KSR2: variants seen among roughly 807,000 people sequenced by gnomAD.
KSR2 encodes kinase suppressor of ras 2.
In KSR2, 25 loss-of-function variants were observed where a neutral mutation model predicts 107.8. The ratio of observed to expected loss-of-function variants is 0.23; its 90% CI spans 0.17 to 0.32. KSR2 has a LOEUF of 0.32. Among genes scored for constraint, KSR2 ranks in the 10% least tolerant of loss-of-function variants. The pLI, the probability that KSR2 is intolerant of heterozygous loss-of-function variation, is 1.00. For synonymous variants in KSR2, 480 were observed against 507.0 expected (o/e 0.95, Z 0.71); for missense variants, 887 against 1,268.9 (o/e 0.70, Z 4.57).
chr12:117,756,381 A>G (rs1222469063), intron 4 of KSR2, among the ~76,000 whole-genome samples: 2 of 152,194 alleles, frequency 1.3e-5, no homozygotes, highest in African/African-American at 2.4e-5. Context: ...CAAAAATTCT[A>G]GGGCTCTTAC....
At chr12:117,827,212 T>G (rs528048497) in intron 3 of KSR2, among the ~76,000 whole-genome samples, 1 of 152,254 alleles carries the variant, frequency 6.6e-6, no homozygotes, top group East Asian at 1.9e-4. Context: ...GTGTACCTGC[T>G]CCTGGAAGTC....
chr12:117,904,754 C>T (rs921942932), intron 1 of KSR2, among the ~76,000 whole-genome samples: 1 of 152,194 alleles, frequency 6.6e-6, no homozygotes, highest in Non-Finnish European at 1.5e-5. Flanking sequence ...AGATTCCAAA[C>T]TCAAACCCTG....
At chr12:117,904,206 A>G (rs1445028956) in intron 1 of KSR2, among the ~76,000 whole-genome samples, 1 of 152,220 alleles carries the variant, frequency 6.6e-6, no homozygotes, top group African/African-American at 2.4e-5. Flanking sequence ...AGCTGTGATC[A>G]TCGGGCCTCT....
chr12:117,649,670 C>T (rs1002333048), intron 5 of KSR2, among the ~76,000 whole-genome samples: 1 of 152,156 alleles, frequency 6.6e-6, no homozygotes, highest in Non-Finnish European at 1.5e-5. Context: ...TGGCCAAAGC[C>T]AGGATGCCAT....
chr12:117,873,586 C>T (rs866578491), intron 1 of KSR2, among the ~76,000 whole-genome samples: 1 of 151,592 alleles, frequency 6.6e-6, no homozygotes, highest in East Asian at 2.0e-4. Context: ...TCAGCCTCCC[C>T]GGTAGCTAGG....
intron 3 of KSR2, among the ~76,000 whole-genome samples, chr12:117,793,600 C>A (rs927479315): frequency 7.0e-6 from 1 of 143,742 alleles, no homozygotes. Flanking sequence ...CACACATACA[C>A]CAACATGCAC....
At chr12:117,850,515 C>G (rs1432790688) in intron 3 of KSR2, among the ~76,000 whole-genome samples, 2 of 152,112 alleles carry the variant, frequency 1.3e-5, no homozygotes, top group African/African-American at 4.8e-5. Flanking sequence ...CAAGTAGGAG[C>G]CAAACCCTGG....
intron 4 of KSR2, among the ~76,000 whole-genome samples, chr12:117,723,585 A>T (rs1015972401): frequency 6.6e-6 from 1 of 152,192 alleles, no homozygotes; most frequent in Non-Finnish European, 1.5e-5. Context: ...CTTTTGGACA[A>T]TAAAATCATC....
intron 16 of KSR2, among the ~76,000 whole-genome samples, chr12:117,477,599 A>G (rs1871868121): frequency 6.6e-6 from 1 of 152,244 alleles, no homozygotes; most frequent in African/African-American, 2.4e-5. Context: ...CTGCAGGTAA[A>G]CTGTGAGCTA....
chr12:117,572,170 C>A (rs1401687195), intron 7 of KSR2, among the ~76,000 whole-genome samples: 6 of 152,216 alleles, frequency 3.9e-5, no homozygotes, highest in Non-Finnish European at 8.8e-5. Flanking sequence ...TTCCTCGGCC[C>A]AGAGCACCCT....
intron 5 of KSR2, among the ~76,000 whole-genome samples, chr12:117,582,963 A>AT (rs941954391): frequency 5.9e-5 from 9 of 151,602 alleles, no homozygotes; most frequent in South Asian, 2.1e-4. Context: ...GCTGACTCCA[A>AT]TTTTTTTTTG....
chr12:117,717,730 T>C (rs1029259993), intron 4 of KSR2, among the ~76,000 whole-genome samples: 1 of 150,120 alleles, frequency 6.7e-6, no homozygotes, highest in African/African-American at 2.4e-5. Context: ...CGCGCGTGCA[T>C]GCACGTGTGC....
chr12:117,849,758 G>A (rs1177712430), intron 3 of KSR2, among the ~76,000 whole-genome samples: 1 of 152,230 alleles, frequency 6.6e-6, no homozygotes. Context: ...GACAGAGAGA[G>A]AGAAAGAGAT....
chr12:117,708,187 T>C (rs1400889320), intron 4 of KSR2, among the ~76,000 whole-genome samples: 1 of 152,250 alleles, frequency 6.6e-6, no homozygotes, highest in Non-Finnish European at 1.5e-5. Flanking sequence ...AGCGGATCCA[T>C]GGCTTTAATT....
intron 3 of KSR2, among the ~76,000 whole-genome samples, chr12:117,794,160 ACAC>A (rs1329416029): frequency 8.1e-6 from 1 of 123,982 alleles, no homozygotes; most frequent in African/African-American, 3.0e-5. Context: ...ATGCACACAT[ACAC>A]CAACATGCGC....
chr12:117,794,424 A>G lies in KSR2; in HGVS notation c.473-32900T>C, dbSNP rs1270066273. On this transcript the variant is annotated intron_variant, in intron 3 of 19. Transcript: ENST00000339824. ...CAACATGCACACACATGCACATACA[A>G]CATGCACACTCACACCAACATGCAC... Among the ~76,000 whole-genome samples the G allele has an allele frequency of 2.0e-5, 2 of 100,136 alleles. 1 individual carries two copies. Among genetic ancestry groups the G allele is most frequent in the Non-Finnish European group, 3.8e-5 (2 of 52,516 alleles). 65.7% of individuals were successfully genotyped at this position (100,136 alleles called of 152,430 possible).
At chr12:117,587,930 CG>C (rs1425819528) in intron 5 of KSR2, among the ~76,000 whole-genome samples, 2 of 152,154 alleles carry the variant, frequency 1.3e-5, no homozygotes, top group Non-Finnish European at 2.9e-5. Context: ...AGGGCCTCCC[CG>C]CCTCCCTATC....
At chr12:117,853,245 A>T (rs962929637) in intron 3 of KSR2, among the ~76,000 whole-genome samples, 2 of 152,240 alleles carry the variant, frequency 1.3e-5, no homozygotes, top group Non-Finnish European at 2.9e-5. Flanking sequence ...ATTTCCAAAA[A>T]TAGGAGATTG....
rs548025483 is a variant in KSR2 at position 117,513,606 on chromosome 12, A to T, written c.2219+11246T>A. 1.4e-4 allele frequency among the ~76,000 whole-genome samples: 21 copies of T among 152,358 alleles called. No homozygotes were observed. In the East Asian group the frequency reaches 3.7e-3, roughly 27 times the overall value. On this transcript the variant is annotated intron_variant, in intron 14 of 19. Transcript: ENST00000339824. ...CCAGGCAGGTTTGGTGGTTTGGACA[A>T]TGAACCTGATTTGGAGGTAGGTCAG...
Sources: gnomAD v4.1 joint callset for allele counts (sites outside exome capture counted in the v4.1 genomes callset) on GRCh38, gnomAD v4.1.1 for gene constraint, MANE v1.5 for transcripts, NCBI Gene and HGNC (gene_info 2026-07-23, HGNC 2026-07-21) for gene names.